The following PRPSAP1 variants were observed in gnomAD, a reference collection of about 807,000 sequenced individuals.
PRPSAP1 encodes phosphoribosyl pyrophosphate synthase-associated protein 1.
PRPSAP1 carries 31 observed loss-of-function variants against 39.4 expected under a neutral mutation model. The observed-to-expected ratio is 0.79, with a 90% CI of 0.59 to 1.06. The LOEUF is 1.06. PRPSAP1 is among the 50% of genes least tolerant of loss of function. The pLI is 0.00. For synonymous variants in PRPSAP1, 212 were observed against 192.6 expected, an observed-to-expected ratio of 1.10 and a Z score of -0.83; for missense variants, 430 against 511.6, an observed-to-expected ratio of 0.84 and a Z score of 1.54.
chr17:76,330,282 G>A (rs987460679), intron 5 of PRPSAP1, 184 bp from the exon 6 acceptor site: 36 of 594,270 alleles, frequency 6.1e-5, no homozygotes, highest in Non-Finnish European at 7.2e-5. Context: ...GCACTCCTAC[G>A]TCAAGAATTT....
chr17:76,339,269 G>A (rs2071410732), intron 3 of PRPSAP1, among the ~76,000 whole-genome samples: 1 of 151,496 alleles, frequency 6.6e-6, no homozygotes. Flanking sequence ...GCTGGCTGTG[G>A]TGGCACACGC....
chr17:76,322,904 G>A (rs922726562), intron 7 of PRPSAP1, among the ~76,000 whole-genome samples: 4 of 152,060 alleles, frequency 2.6e-5, no homozygotes, highest in African/African-American at 9.7e-5. Flanking sequence ...TGAGGTGGGA[G>A]GATCACCTGA....
intron 7 of PRPSAP1, among the ~76,000 whole-genome samples, chr17:76,320,265 A>AAAAGAAAG (rs1216954765): frequency 2.3e-4 from 17 of 75,176 alleles, no homozygotes; most frequent in Admixed American, 1.5e-3. Flanking sequence ...AGAAAGAAAG[A>AAAAGAAAG]AAAGAAAGAA....
Position 76,353,652 on chromosome 17 carries a change from G to A in PRPSAP1, c.52C>T (p.Arg18Cys). The part of the protein sequence containing the change: ...LPPPSASSAF[R>C]VPRARPVPPP... Reference sequence around the variant, plus strand: ...GGAACGGGGCGGGCGCGCGGGACGCGGAAAGCCGAGGACGCGGAGGGCGGG... The same window carrying A: ...GGAACGGGGCGGGCGCGCGGGACGCAGAAAGCCGAGGACGCGGAGGGCGGG... The change falls in exon 1 of 10, where the codon CGC (arginine) becomes TGC (cysteine). Residue 18 changes from arginine to cysteine, a missense_variant. Around this residue, in one of 2 missense-constraint regions of PRPSAP1, gnomAD observed 152 missense variants for 135.2 expected, o/e 1.12. Coordinates refer to ENST00000446526, the MANE Select transcript of PRPSAP1 (RefSeq NM_002766.3). The A allele has an allele frequency of 1.3e-6, 2 of 1,530,614 alleles. No individual in the cohort carries two copies. Among genetic ancestry groups the A allele is most frequent in the Non-Finnish European group, 1.7e-6 (2 of 1,144,148 alleles). The allele number at this position is 1,530,614 out of a possible 1,614,324, so 94.8% of individuals were successfully genotyped here. A position where few individuals can be genotyped will look rare whatever the true frequency, so the allele number is the denominator to read the frequency against.
At position 76,344,670 on chromosome 17, in the gene PRPSAP1, C is replaced by A. The variant is rs750128476; in HGVS notation, c.290+1G>T. On this transcript the variant is annotated splice_donor_variant, in intron 3 of 9. Transcript: ENST00000446526. LOFTEE classifies it high-confidence loss of function. The stretch of plus-strand genomic sequence containing the variant: ...AGAGATAAAGTAGTCAGTCCTCTTA[C>A]CTGGGTATTGTCTGTATAATGAAAA... 1.9e-6 allele frequency: 3 copies of A among 1,557,482 alleles called. No homozygotes were observed. The highest frequency in any genetic ancestry group is 2.3e-5 in the South Asian group (2 of 86,312).
chr17:76,326,743 A>G (rs1438089633), intron 7 of PRPSAP1, among the ~76,000 whole-genome samples: 2 of 152,212 alleles, frequency 1.3e-5, no homozygotes, highest in Non-Finnish European at 2.9e-5. Context: ...TTTTGCTCTA[A>G]AGGACACTGC....
chr17:76,311,743 T>G (rs751191549), intron 9 of PRPSAP1, 43 bp from the exon 10 acceptor site: 1 of 1,586,528 alleles, frequency 6.3e-7, no homozygotes, highest in African/African-American at 1.4e-5. Context: ...TACTGAAGTC[T>G]GTTCTCCAAG....
intron 8 of PRPSAP1, 158 bp downstream of exon 8, chr17:76,313,663 A>G (rs1173725914): frequency 5.7e-6 from 4 of 707,348 alleles, no homozygotes; most frequent in African/African-American, 3.5e-5. Context: ...GTTCACCTGG[A>G]TACAGGTTTC....
At chr17:76,317,959 T>G (rs2071142631) in intron 7 of PRPSAP1, among the ~76,000 whole-genome samples, 1 of 146,348 alleles carries the variant, frequency 6.8e-6, no homozygotes, top group African/African-American at 2.8e-5. Context: ...AAAATGAGCT[T>G]CTCAGCCTTA....
intron 3 of PRPSAP1, among the ~76,000 whole-genome samples, chr17:76,340,850 C>T (rs938141610): frequency 2.7e-5 from 4 of 148,626 alleles, no homozygotes; most frequent in Non-Finnish European, 5.9e-5. Flanking sequence ...TGCAGTGAAC[C>T]GAGATCGCGC....
rs372303229 is a variant in PRPSAP1 at position 76,312,879 on chromosome 17, G to A, written c.990C>T (p.Ser330=). The stretch of plus-strand genomic sequence containing the variant: ...TTAGAAGCAGCCTGACCTCGTCTAC[G>A]GAGGACTCCTCAATCAGGCGAGGGG... ...AEAPRLIEES[S]VDEVVVTNTV... is the part of the protein sequence containing the mutation. Residue 330 remains serine, a synonymous_variant, in exon 9 of 10, where the codon TCC becomes TCT. Coordinates refer to ENST00000446526, the MANE Select transcript of PRPSAP1 (RefSeq NM_002766.3). The A allele has an allele frequency of 2.4e-5, 38 of 1,612,772 alleles. No individual in the cohort carries two copies. Among genetic ancestry groups the A allele is most frequent in the African/African-American group, 1.2e-4 (9 of 74,936 alleles).
At chr17:76,344,127 ATTTAT>A (rs2071469924) in intron 3 of PRPSAP1, among the ~76,000 whole-genome samples, 1 of 144,588 alleles carries the variant, frequency 6.9e-6, no homozygotes, top group African/African-American at 2.6e-5. Context: ...TTTTTTATTC[ATTTAT>A]TTTGTTTTTT....
intron 3 of PRPSAP1, among the ~76,000 whole-genome samples, chr17:76,335,310 G>A (rs1380512849): frequency 6.6e-6 from 1 of 151,756 alleles, no homozygotes; most frequent in African/African-American, 2.4e-5. Context: ...AGTTAATTTA[G>A]TAGCTTCTGT....
intron 7 of PRPSAP1, among the ~76,000 whole-genome samples, chr17:76,327,933 C>T (rs1421830130): frequency 1.3e-5 from 2 of 151,980 alleles, no homozygotes; most frequent in Admixed American, 6.6e-5. Flanking sequence ...TATGTAATCT[C>T]GGCATTTTGG....
At position 76,334,542 on chromosome 17, in the gene PRPSAP1, C is replaced by T. The variant is rs75859428; in HGVS notation, c.291-2107G>A. Among the ~76,000 whole-genome samples the T allele has an allele frequency of 4.3e-3, 648 of 152,208 alleles. 1 individual carries two copies. Among genetic ancestry groups the T allele is most frequent in the African/African-American group, 0.015 (623 of 41,516 alleles). ...ATCCTTTTATTCTGACAATGTTTTC[C>T]ACTTCCAGGTTCAATTCCTGGAACT... On this transcript the variant is annotated intron_variant, in intron 3 of 9. Coordinates refer to ENST00000446526, the MANE Select transcript of PRPSAP1 (RefSeq NM_002766.3).
chr17:76,336,389 C>T (rs1255517441), intron 3 of PRPSAP1, among the ~76,000 whole-genome samples: 7 of 141,416 alleles, frequency 4.9e-5, no homozygotes, highest in Non-Finnish European at 7.6e-5. Flanking sequence ...AGTGAGCCGA[C>T]ATCATACCAC....
Position 76,313,809 on chromosome 17 carries a change from A to T in PRPSAP1, c.852+12T>A. 6.2e-7 allele frequency: 1 copy of T among 1,614,186 alleles called. No individual in the cohort carries two copies. Among genetic ancestry groups the T allele is most frequent in the Non-Finnish European group, 8.5e-7 (1 of 1,180,014 alleles). On this transcript the variant is annotated intron_variant, in intron 8 of 9. Transcript: ENST00000446526. ...AGTGCCACCTCTGCACATGGATGAC[A>T]TATAACCATACCACGATGATTGCGA...
At chr17:76,332,474 T>G in intron 3 of PRPSAP1, 39 bp from the exon 4 acceptor site, 1 of 1,608,044 alleles carries the variant, frequency 6.2e-7, no homozygotes, top group Non-Finnish European at 8.5e-7. Flanking sequence ...ATTAATTCCA[T>G]GTATCAACCC....
intron 2 of PRPSAP1, chr17:76,345,878 AG>A: frequency 2.4e-6 from 1 of 415,498 alleles, no homozygotes. Flanking sequence ...AAGGGAGATG[AG>A]GCCAAGGTGA....
Sources: gnomAD v4.1 joint callset for allele counts (sites outside exome capture counted in the v4.1 genomes callset) on GRCh38, gnomAD v4.1.1 for gene constraint, gnomAD v4.1.1 regional missense constraint, MANE v1.5 for transcripts, NCBI Gene and HGNC (gene_info 2026-07-23, HGNC 2026-07-21) for gene names.